Variants in TESK2 observed in about 807,000 individuals in gnomAD.
The protein encoded by TESK2 is dual specificity testis-specific protein kinase 2.
TESK2 carries 39 observed loss-of-function variants against 57.1 expected under a neutral mutation model. The observed-to-expected ratio is 0.68, with a 90% CI of 0.53 to 0.89. The LOEUF is 0.89. Ranked by LOEUF, TESK2 falls within the 40% of genes least tolerant of loss-of-function variation. The pLI is 0.00. For synonymous variants in TESK2, 249 were observed against 267.9 expected (o/e 0.93, Z 0.69); for missense variants, 646 against 732.1 (o/e 0.88, Z 1.36).
chr1:45,391,262 G>T (rs1386485398), intron 3 of TESK2, among the ~76,000 whole-genome samples: 1 of 144,328 alleles, frequency 6.9e-6, no homozygotes, highest in African/African-American at 2.6e-5. Context: ...TTGTTGTCCA[G>T]GCTGGAGTAC....
chr1:45,426,128 G>T, intron 2 of TESK2, among the ~76,000 whole-genome samples: 1 of 152,154 alleles, frequency 6.6e-6, no homozygotes, highest in East Asian at 1.9e-4. Context: ...TCCAGCCTAG[G>T]TGACAGAGCT....
At chr1:45,444,450 G>A (rs1056825703) in intron 2 of TESK2, among the ~76,000 whole-genome samples, 3 of 152,014 alleles carry the variant, frequency 2.0e-5, no homozygotes, top group African/African-American at 4.8e-5. Context: ...TTTGTAATAG[G>A]CATTCATAGT....
chr1:45,390,748 G>GTAT (rs898956659), intron 3 of TESK2, among the ~76,000 whole-genome samples: 5 of 149,016 alleles, frequency 3.4e-5, no homozygotes, highest in Non-Finnish European at 5.9e-5. Context: ...GCTAATTTTG[G>GTAT]TATTATTATT....
intron 4 of TESK2, among the ~76,000 whole-genome samples, chr1:45,369,324 C>A (rs554154107): frequency 1.3e-5 from 2 of 151,920 alleles, no homozygotes; most frequent in Non-Finnish European, 2.9e-5. Flanking sequence ...CATTGTGAAA[C>A]CCCGTCTCTA....
chr1:45,371,779 A>G (rs1648196173), intron 4 of TESK2, among the ~76,000 whole-genome samples: 1 of 152,064 alleles, frequency 6.6e-6, no homozygotes, highest in South Asian at 2.1e-4. Context: ...GAGGTGGGAG[A>G]ATCCCTTGAG....
At chr1:45,379,698 A>G (rs1648571353) in intron 4 of TESK2, among the ~76,000 whole-genome samples, 2 of 152,180 alleles carry the variant, frequency 1.3e-5, no homozygotes, top group African/African-American at 2.4e-5. Flanking sequence ...GATCAGAGCT[A>G]TGTGAATAAC....
At chr1:45,436,799 CT>C (rs35797939) in intron 2 of TESK2, among the ~76,000 whole-genome samples, 219 of 123,080 alleles carry the variant, frequency 1.8e-3, no homozygotes, top group East Asian at 0.016. Context: ...ACATTAGTAT[CT>C]TTTTTTTTTT....
chr1:45,446,065 T>C (rs1485052928), intron 2 of TESK2, among the ~76,000 whole-genome samples: 3 of 152,066 alleles, frequency 2.0e-5, no homozygotes, highest in Admixed American at 6.6e-5. Flanking sequence ...GTTTTCCAAG[T>C]ACTTGGCACA....
intron 1 of TESK2, among the ~76,000 whole-genome samples, chr1:45,479,089 A>G (rs1022957079): frequency 1.3e-5 from 2 of 151,980 alleles, no homozygotes; most frequent in African/African-American, 4.8e-5. Flanking sequence ...TAAAATCTCT[A>G]TTTTCCAATT....
chr1:45,439,257 C>T (rs1651346834), intron 2 of TESK2, among the ~76,000 whole-genome samples: 2 of 152,052 alleles, frequency 1.3e-5, no homozygotes, highest in Non-Finnish European at 2.9e-5. Flanking sequence ...AAATGTATAA[C>T]CATGAATGCG....
chr1:45,425,587 C>A (rs1477227679), intron 2 of TESK2, among the ~76,000 whole-genome samples: 1 of 151,880 alleles, frequency 6.6e-6, no homozygotes, highest in Non-Finnish European at 1.5e-5. Context: ...CCCAGGAGGT[C>A]AAGGCTGCAG....
chr1:45,449,769 G>A (rs1455703379), intron 2 of TESK2, among the ~76,000 whole-genome samples: 1 of 152,134 alleles, frequency 6.6e-6, no homozygotes, highest in African/African-American at 2.4e-5. Context: ...GTAGTAGACA[G>A]TTTTTTATGC....
chr1:45,469,869 A>C (rs2149303959), intron 1 of TESK2, among the ~76,000 whole-genome samples: 1 of 152,348 alleles, frequency 6.6e-6, no homozygotes, highest in Middle Eastern at 3.4e-3. Flanking sequence ...TCAGCAAAAC[A>C]AAGTAGATAC....
intron 4 of TESK2, among the ~76,000 whole-genome samples, chr1:45,382,936 T>C (rs942707484): frequency 4.6e-5 from 7 of 152,190 alleles, no homozygotes; most frequent in Admixed American, 3.9e-4. Context: ...AGTGTCTGAC[T>C]GTTCCAAGTT....
intron 2 of TESK2, among the ~76,000 whole-genome samples, chr1:45,450,934 C>T (rs116151479): frequency 0.012 from 1,811 of 152,240 alleles, 28 homozygotes; most frequent in African/African-American, 0.038. Flanking sequence ...TCCCAAAGTG[C>T]TGGGGTTACA....
intron 4 of TESK2, among the ~76,000 whole-genome samples, chr1:45,363,147 C>T (rs1570651028): frequency 6.6e-6 from 1 of 152,186 alleles, no homozygotes; most frequent in South Asian, 2.1e-4. Context: ...AATACAAAGT[C>T]AGTCCAGTTT....
rs749944438 is a variant in TESK2 at position 45,457,625 on chromosome 1, G to A, written c.161C>T (p.Thr54Met). 1.5e-5 allele frequency: 24 copies of A among 1,613,896 alleles called. No individual in the cohort carries two copies. The highest frequency in any genetic ancestry group is 1.6e-4 in the Middle Eastern group (1 of 6,084). The change falls in exon 2 of 11, where the codon ACG becomes ATG. Residue 54 changes from threonine to methionine, a missense_variant. Coordinates refer to ENST00000372086, the MANE Select transcript of TESK2 (RefSeq NM_007170.3). The stretch of plus-strand genomic sequence containing the variant: ...TTCACAGGTGAAATCATCCAAACGC[G>A]TCAGTCTGGAAAAGGCACTTATAAG... ...RALISAFSRL[T>M]RLDDFTCEKI...
intron 3 of TESK2, chr1:45,398,827 T>C: frequency 2.6e-6 from 1 of 381,652 alleles, no homozygotes; most frequent in Non-Finnish European, 5.0e-6. Flanking sequence ...ATGTCATTTC[T>C]AGGCCTGTTC....
intron 4 of TESK2, chr1:45,385,482 GGTGGT>G: frequency 2.0e-5 from 6 of 293,704 alleles, no homozygotes; most frequent in Non-Finnish European, 2.5e-5. Context: ...AACATTACCA[GGTGGT>G]CTGGTAATTT....
Sources: allele counts gnomAD v4.1 joint callset (sites outside exome capture counted in the v4.1 genomes callset), GRCh38; gene constraint gnomAD v4.1.1; transcripts MANE v1.5; gene names NCBI Gene and HGNC (gene_info 2026-07-23, HGNC 2026-07-21).